Variants in ROBO2 observed in about 807,000 individuals in gnomAD.
The protein encoded by ROBO2 is roundabout homolog 2.
A neutral mutation model predicts 160.8 loss-of-function variants in ROBO2; 53 were observed. That is an observed-to-expected ratio of 0.33 (90% confidence interval 0.26 to 0.41). The LOEUF is 0.41. Ranked by LOEUF, ROBO2 falls within the 10% of genes least tolerant of loss-of-function variation. The pLI, the probability that ROBO2 is intolerant of heterozygous loss-of-function variation, is 1.00. For missense variants in ROBO2, 1,577 were observed against 1,722.4 expected (o/e 0.92, Z 1.49); for synonymous variants, 664 against 611.7 (o/e 1.09, Z -1.26).
At chr3:76,717,548 A>G (rs2093401406) in intron 2 of ROBO2, among the ~76,000 whole-genome samples, 1 of 151,806 alleles carries the variant, frequency 6.6e-6, no homozygotes. Flanking sequence ...AGAGTTGTGG[A>G]GAGTGTAAAT....
intron 2 of ROBO2, among the ~76,000 whole-genome samples, chr3:76,496,620 T>C (rs1006136891): frequency 6.6e-6 from 1 of 152,170 alleles, no homozygotes; most frequent in African/African-American, 2.4e-5. Context: ...CTTAACATGC[T>C]CCGAGCTGAA....
At chr3:77,163,033 A>C (rs2078635876) in intron 2 of ROBO2, among the ~76,000 whole-genome samples, 1 of 151,630 alleles carries the variant, frequency 6.6e-6, no homozygotes, top group South Asian at 2.1e-4. Flanking sequence ...ACAGGGTTTC[A>C]CCACGTTGGC....
intron 2 of ROBO2, among the ~76,000 whole-genome samples, chr3:76,586,293 G>T (rs2086034894): frequency 6.6e-6 from 1 of 152,172 alleles, no homozygotes; most frequent in South Asian, 2.1e-4. Context: ...ATGTGTTTTA[G>T]CCATAATTAG....
chr3:76,425,487 A>AGTGTGT lies in ROBO2; in HGVS notation c.109+487918_109+487923dup, dbSNP rs10530471. On this transcript the variant is annotated intron_variant, in intron 2 of 26. Transcript: ENST00000487694. ...AACTTTGAAGATCCATGATGCAGCA[A>AGTGTGT]GTGTGTGTGTGTGTGTGTGTGTGTG... Among the ~76,000 whole-genome samples, 449 of 146,566 alleles carry AGTGTGT rather than the reference A, an allele frequency of 3.1e-3. 2 individuals carry two copies. Among genetic ancestry groups the AGTGTGT allele is most frequent in the African/African-American group, 0.011 (420 of 39,974 alleles).
At chr3:76,978,986 A>C (rs1270235679) in intron 2 of ROBO2, among the ~76,000 whole-genome samples, 1 of 151,154 alleles carries the variant, frequency 6.6e-6, no homozygotes, top group Non-Finnish European at 1.5e-5. Context: ...CCTGTTGCCA[A>C]AGCTGGAGTG....
At chr3:76,402,436 T>C (rs1341818306) in intron 2 of ROBO2, among the ~76,000 whole-genome samples, 1 of 151,520 alleles carries the variant, frequency 6.6e-6, no homozygotes, top group Non-Finnish European at 1.5e-5. Flanking sequence ...ATTAGGTCAG[T>C]GTATTAGTTT....
intron 2 of ROBO2, among the ~76,000 whole-genome samples, chr3:77,202,573 A>G (rs1232076869): frequency 6.6e-6 from 1 of 152,112 alleles, no homozygotes; most frequent in Non-Finnish European, 1.5e-5. Context: ...ATTCATAGAT[A>G]ATTTGTTTTT....
At chr3:77,250,509 C>T (rs1473179729) in intron 2 of ROBO2, among the ~76,000 whole-genome samples, 2 of 152,196 alleles carry the variant, frequency 1.3e-5, no homozygotes, top group East Asian at 3.9e-4. Flanking sequence ...TCTGTGTGTG[C>T]CATGACTGAG....
chr3:76,654,913 G>GTGTA (rs536883164), intron 2 of ROBO2, among the ~76,000 whole-genome samples: 898 of 74,126 alleles, frequency 0.012, 3 homozygotes, highest in South Asian at 0.046. Flanking sequence ...ATATGTGTGT[G>GTGTA]TATATATATA....
chr3:77,586,924 A>C (rs1208959754), intron 16 of ROBO2, among the ~76,000 whole-genome samples: 1 of 151,230 alleles, frequency 6.6e-6, no homozygotes, highest in East Asian at 1.9e-4. Flanking sequence ...CAGATTTACT[A>C]CATAAATGAC....
At chr3:76,425,093 C>T (rs1312049509) in intron 2 of ROBO2, among the ~76,000 whole-genome samples, 2 of 152,144 alleles carry the variant, frequency 1.3e-5, no homozygotes, top group Non-Finnish European at 2.9e-5. Context: ...CACTCCATAA[C>T]CCAGCCACAT....
At chr3:76,603,421 T>G (rs1051549050) in intron 2 of ROBO2, among the ~76,000 whole-genome samples, 1 of 145,036 alleles carries the variant, frequency 6.9e-6, no homozygotes, top group Non-Finnish European at 1.5e-5. Flanking sequence ...CTTTTTGATT[T>G]GAATATTTGC....
chr3:77,344,176 G>C (rs2067370394), intron 2 of ROBO2, among the ~76,000 whole-genome samples: 1 of 152,148 alleles, frequency 6.6e-6, no homozygotes, highest in African/African-American at 2.4e-5. Flanking sequence ...AGAAGGAGAT[G>C]TTTGATGTAA....
intron 17 of ROBO2, among the ~76,000 whole-genome samples, chr3:77,589,888 A>G (rs1375190368): frequency 1.3e-5 from 2 of 152,160 alleles, no homozygotes; most frequent in Non-Finnish European, 2.9e-5. Flanking sequence ...ATATGTAAGA[A>G]GTTTTTGAGA....
intron 2 of ROBO2, among the ~76,000 whole-genome samples, chr3:76,247,788 A>C (rs1295675267): frequency 6.6e-6 from 1 of 152,104 alleles, no homozygotes; most frequent in Non-Finnish European, 1.5e-5. Flanking sequence ...GAACTCAAAC[A>C]AATTTACAAG....
At chr3:76,378,504 A>G (rs1026160027) in intron 2 of ROBO2, among the ~76,000 whole-genome samples, 3 of 152,198 alleles carry the variant, frequency 2.0e-5, no homozygotes, top group Non-Finnish European at 4.4e-5. Flanking sequence ...TCATCCCTCC[A>G]TCAATCCTTT....
chr3:77,445,026 A>G (rs1031312762), intron 2 of ROBO2, among the ~76,000 whole-genome samples: 10 of 152,154 alleles, frequency 6.6e-5, no homozygotes, highest in Admixed American at 6.5e-4. Flanking sequence ...TTTTCGGCAA[A>G]TAAAATCAGC....
chr3:76,316,556 A>G (rs1159438145), intron 2 of ROBO2, among the ~76,000 whole-genome samples: 1 of 152,176 alleles, frequency 6.6e-6, no homozygotes, highest in Non-Finnish European at 1.5e-5. Flanking sequence ...CTGATATCAT[A>G]TTGTTGAAAC....
intron 2 of ROBO2, among the ~76,000 whole-genome samples, chr3:76,108,649 G>A (rs2070065055): frequency 1.3e-5 from 2 of 151,464 alleles, no homozygotes; most frequent in African/African-American, 4.8e-5. Context: ...GAAGAAGTGA[G>A]AATAATATCT....
Sources: allele counts gnomAD v4.1 joint callset (sites outside exome capture counted in the v4.1 genomes callset), GRCh38; gene constraint gnomAD v4.1.1; transcripts MANE v1.5; gene names NCBI Gene and HGNC (gene_info 2026-07-23, HGNC 2026-07-21).